The following PPP1R16B variants were observed in gnomAD, a reference collection of about 807,000 sequenced individuals.
PPP1R16B encodes protein phosphatase 1 regulatory subunit 16B.
PPP1R16B carries 14 observed loss-of-function variants against 61.7 expected under a neutral mutation model. The observed-to-expected ratio is 0.23, with a 90% CI of 0.15 to 0.35. PPP1R16B has a LOEUF of 0.35. Ranked by LOEUF, PPP1R16B falls within the 10% of genes least tolerant of loss-of-function variation. The pLI, the probability that PPP1R16B is intolerant of heterozygous loss-of-function variation, is 1.00. For synonymous variants in PPP1R16B, 266 were observed against 305.3 expected (o/e 0.87, Z 1.34); for missense variants, 547 against 752.5 (o/e 0.73, Z 3.19).
chr20:38,857,070 C>T (rs1214765197), intron 2 of PPP1R16B, among the ~76,000 whole-genome samples: 14 of 152,216 alleles, frequency 9.2e-5, no homozygotes, highest in Admixed American at 1.3e-4. Flanking sequence ...ACCCATTGCC[C>T]GTGAGGTCTG....
chr20:38,834,511 A>G (rs1250770898), intron 1 of PPP1R16B, among the ~76,000 whole-genome samples: 1 of 152,236 alleles, frequency 6.6e-6, no homozygotes. Context: ...TTTGAAACTC[A>G]TGAGAGCAAG....
intron 7 of PPP1R16B, among the ~76,000 whole-genome samples, chr20:38,906,459 AATTTTTTGT>A (rs1266393498): frequency 1.3e-5 from 2 of 151,694 alleles, no homozygotes; most frequent in African/African-American, 4.8e-5. Context: ...ATGCCCAGCT[AATTTTTTGT>A]ATTTTTAGTA....
chr20:38,870,744 G>C (rs952361217), intron 2 of PPP1R16B, among the ~76,000 whole-genome samples: 5 of 152,142 alleles, frequency 3.3e-5, no homozygotes, highest in Non-Finnish European at 5.9e-5. Flanking sequence ...GAGACATGAA[G>C]GGCCAGACTC....
At chr20:38,878,975 A>G (rs1048299264) in intron 2 of PPP1R16B, among the ~76,000 whole-genome samples, 3 of 152,178 alleles carry the variant, frequency 2.0e-5, no homozygotes, top group Non-Finnish European at 4.4e-5. Flanking sequence ...GGGAATTGGG[A>G]TAAGAGCAGA....
chr20:38,893,940 A>G (rs6028182), intron 3 of PPP1R16B, among the ~76,000 whole-genome samples: 15,555 of 151,806 alleles, frequency 0.1, 1,242 homozygotes, highest in African/African-American at 0.22. Context: ...AGGCCTGGAG[A>G]TGCTCACCTT....
Position 38,907,922 on chromosome 20 carries a change from G to T in PPP1R16B, c.1015G>T (p.Ala339Ser), listed in dbSNP as rs751756577. Reference sequence around the variant, plus strand: ...ATCCTTGAGCCGGAGGACCTCCAGCGCAGGCAGCCGTGGGTGAGTCCGGGG... The same window carrying T: ...ATCCTTGAGCCGGAGGACCTCCAGCTCAGGCAGCCGTGGGTGAGTCCGGGG... ...KSSLSRRTSS[A>S]GSRGKVVRRA... The change falls in exon 9 of 11, where the codon GCA becomes TCA. Residue 339 changes from alanine to serine, a missense_variant. By Grantham distance (99) the Ala-to-Ser change is moderately conservative. Transcript: ENST00000299824. This position sits in a 1 kb window ranked among gnomAD's most constrained non-coding sequence, Gnocchi z 4.5. 6.2e-7 allele frequency: 1 copy of T among 1,614,188 alleles called. No individual in the cohort carries two copies. The highest frequency in any genetic ancestry group is 2.2e-5 in the East Asian group (1 of 44,884).
intron 1 of PPP1R16B, among the ~76,000 whole-genome samples, chr20:38,833,308 G>C (rs2084849352): frequency 6.6e-6 from 1 of 152,222 alleles, no homozygotes; most frequent in African/African-American, 2.4e-5. Context: ...GACAGGAGTG[G>C]GTTGGAGGGG....
rs142640958 is a variant in PPP1R16B at position 38,890,792 on chromosome 20, C to T, written c.321+1127C>T. Among the ~76,000 whole-genome samples, 111 of 152,344 alleles carry T rather than the reference C, an allele frequency of 7.3e-4. 1 individual carries two copies. Among genetic ancestry groups the T allele is most frequent in the African/African-American group, 2.6e-3 (109 of 41,584 alleles). ...GTGCCCGAGTTTCTAAGCAGATGGA[C>T]TTGAGTGAGAGGCCAGGCAACCAGA... On this transcript the variant is annotated intron_variant, in intron 3 of 10. Transcript: ENST00000299824.
At chr20:38,868,854 A>G (rs2085107253) in intron 2 of PPP1R16B, among the ~76,000 whole-genome samples, 1 of 152,260 alleles carries the variant, frequency 6.6e-6, no homozygotes, top group African/African-American at 2.4e-5. Context: ...AATACTGGTT[A>G]CATGATAAAA....
chr20:38,811,207 A>T (rs914461716), intron 1 of PPP1R16B, among the ~76,000 whole-genome samples: 1 of 152,128 alleles, frequency 6.6e-6, no homozygotes, highest in Non-Finnish European at 1.5e-5. Context: ...GGAATGAATG[A>T]ATCTTTTAGG....
intron 2 of PPP1R16B, among the ~76,000 whole-genome samples, chr20:38,853,716 C>T (rs190669750): frequency 1.3e-3 from 197 of 152,344 alleles, no homozygotes; most frequent in African/African-American, 4.5e-3. Flanking sequence ...ACTCTTTCTG[C>T]TGGTCTTCCC....
At chr20:38,868,760 ATG>A (rs1425113750) in intron 2 of PPP1R16B, among the ~76,000 whole-genome samples, 2 of 152,174 alleles carry the variant, frequency 1.3e-5, no homozygotes, top group Admixed American at 1.3e-4. Flanking sequence ...TTGTGTATGG[ATG>A]TGTGTGTTTG....
intron 10 of PPP1R16B, among the ~76,000 whole-genome samples, chr20:38,917,177 T>C (rs1377240647): frequency 8.6e-5 from 13 of 151,660 alleles, no homozygotes; most frequent in Admixed American, 8.5e-4. Context: ...GTGCCTGTAA[T>C]CCCAGCTACT....
chr20:38,860,349 G>A (rs534769014), intron 2 of PPP1R16B, among the ~76,000 whole-genome samples: 1 of 152,180 alleles, frequency 6.6e-6, no homozygotes, highest in East Asian at 1.9e-4. Flanking sequence ...TGATCCTCCC[G>A]CCTCAGCCTC....
Position 38,907,657 on chromosome 20 carries a change from G to A in PPP1R16B, c.899-149G>A. 9.3e-7 allele frequency: 1 copy of A among 1,074,338 alleles called. No homozygotes were observed. The highest frequency in any genetic ancestry group is 1.3e-6 in the Non-Finnish European group (1 of 742,326). The allele number at this position is 1,074,338 out of a possible 1,614,324, so 66.6% of individuals were successfully genotyped here. A position where few individuals can be genotyped will look rare whatever the true frequency, so the allele number is the denominator to read the frequency against. ...TTATAAACACACTCACTCAACTTTG[G>A]CTGGCATTGTTTTCTTGCCTCCCTG... On this transcript the variant is annotated intron_variant, in intron 8 of 10. Transcript: ENST00000299824. This position sits in a 1 kb window ranked among gnomAD's most constrained non-coding sequence, Gnocchi z 4.5.
At chr20:38,855,982 A>AGAGAAGGAGGAGGAGGAGG (rs1449393855) in intron 2 of PPP1R16B, among the ~76,000 whole-genome samples, 1 of 41,566 alleles carries the variant, frequency 2.4e-5, no homozygotes, top group African/African-American at 1.5e-4. Flanking sequence ...AGAGAGAGAG[A>AGAGAAGGAGGAGGAGGAGG]AGGAGGAGGA....
intron 1 of PPP1R16B, among the ~76,000 whole-genome samples, chr20:38,823,945 G>A (rs568168161): frequency 2.0e-5 from 3 of 152,034 alleles, no homozygotes; most frequent in African/African-American, 7.2e-5. Flanking sequence ...TTTAAGGAGA[G>A]GGGATATTAA....
chr20:38,849,676 CAACAACAACAAA>C (rs1378174437), intron 2 of PPP1R16B, among the ~76,000 whole-genome samples: 1 of 58,322 alleles, frequency 1.7e-5, no homozygotes, highest in Non-Finnish European at 3.0e-5. Context: ...ACAACAACAA[CAACAACAACAAA>C]AAAAAAACAA....
At chr20:38,883,831 C>A (rs569339773) in intron 2 of PPP1R16B, among the ~76,000 whole-genome samples, 1 of 152,256 alleles carries the variant, frequency 6.6e-6, no homozygotes, top group African/African-American at 2.4e-5. Flanking sequence ...GTAGCCAGGG[C>A]CTTGTCTTCC....
Sources: gnomAD v4.1 joint callset for allele counts (sites outside exome capture counted in the v4.1 genomes callset) on GRCh38, gnomAD v4.1.1 for gene constraint, Gnocchi (gnomAD v3.1) non-coding constraint, MANE v1.5 for transcripts, NCBI Gene and HGNC (gene_info 2026-07-23, HGNC 2026-07-21) for gene names.